Variants in DCST1 observed in about 807,000 individuals in gnomAD.
DCST1 encodes the protein E3 ubiquitin-protein ligase DCST1.
In DCST1, 78 loss-of-function variants were observed where a neutral mutation model predicts 89.1. That is an observed-to-expected ratio of 0.88 (90% CI 0.73 to 1.06). DCST1 has a LOEUF of 1.06. Among genes scored for constraint, DCST1 ranks in the 50% least tolerant of loss-of-function variants. The pLI is 0.00. For missense variants in DCST1, 900 were observed against 928.6 expected, an observed-to-expected ratio of 0.97 and a Z score of 0.40; for synonymous variants, 364 against 371.9, an observed-to-expected ratio of 0.98 and a Z score of 0.24.
chr1:155,041,537 C>G lies in DCST1; in HGVS notation c.672C>G (p.Ala224=), dbSNP rs755480345. The change falls in exon 7 of 17, where the codon GCC becomes GCG. Residue 224 remains alanine, a synonymous_variant. Transcript: ENST00000295542. ...GGGAGACAGCCCAGGGCAGGGAGGCCCGCCAAGCCCCAGCCTCCAGACTCC... is the reference window on the plus strand; with the variant it reads ...GGGAGACAGCCCAGGGCAGGGAGGCGCGCCAAGCCCCAGCCTCCAGACTCC... ...DSGETAQGRE[A]RQAPASRLHL... The G allele has an allele frequency of 2.5e-6, 4 of 1,613,996 alleles. No homozygotes were observed. Among genetic ancestry groups the G allele is most frequent in the Non-Finnish European group, 3.4e-6 (4 of 1,180,022 alleles).
In DCST1 at chr1:155,048,188, T is replaced by C. The variant is rs1660722555; in HGVS notation, c.1869+18T>C. 1.2e-6 allele frequency: 2 copies of C among 1,607,396 alleles called. No individual in the cohort carries two copies. The highest frequency in any genetic ancestry group is 1.7e-4 in the Middle Eastern group (1 of 6,054). On this transcript the variant is annotated intron_variant, in intron 16 of 16. Coordinates refer to ENST00000295542, the MANE Select transcript of DCST1 (RefSeq NM_152494.4). Reference sequence around the variant, plus strand: ...AGGCTCCGGTAAGTCCAGGCGTAAGTGCTGCTGCCAGCTCCTGGCTGGGTC... The same window carrying C: ...AGGCTCCGGTAAGTCCAGGCGTAAGCGCTGCTGCCAGCTCCTGGCTGGGTC...
In DCST1 at chr1:155,046,889, T is replaced by C. The variant is rs113899656; in HGVS notation, c.1496-307T>C. On this transcript the variant is annotated intron_variant, in intron 13 of 16. Transcript: ENST00000295542. ...CCAAAGTGCTGGGATTACAGGTGTG[T>C]GCCACTGTGCCAGCCATCCTTCTGC... 1.9e-3 allele frequency among the ~76,000 whole-genome samples: 284 copies of C among 152,180 alleles called. 3 individuals are homozygous for C. The highest frequency in any genetic ancestry group is 6.6e-3 in the African/African-American group (273 of 41,504).
intron 15 of DCST1, 35 bp from the exon 16 acceptor site, chr1:155,048,022 C>G (rs200709699): frequency 6.2e-6 from 10 of 1,613,432 alleles, no homozygotes; most frequent in Middle Eastern, 1.6e-4. Flanking sequence ...TTGGGGGATG[C>G]CTTTCTCTAT....
Position 155,034,635 on chromosome 1 carries a change from T to C in DCST1, c.188-18T>C, listed in dbSNP as rs1660212893. ...TAGGACCCATCTTTTGGCCTTTGGC[T>C]TGACCTTGTGCCCTTAGGTCTCTTT... On this transcript the variant is annotated intron_variant, in intron 3 of 16. Transcript: ENST00000295542. The C allele has an allele frequency of 6.2e-7, 1 of 1,614,096 alleles. No individual in the cohort carries two copies.
Position 155,047,801 on chromosome 1 carries a change from C to A in DCST1, c.1627C>A (p.Pro543Thr). ...ESNNMPCLPQPVGLDARAYWR... is the reference protein window; with the variant it reads ...ESNNMPCLPQTVGLDARAYWR... ...CCCTCCCCTAGCCTGCCTGCCCCAG[C>A]CTGTGGGCCTGGATGCCAGGGCCTA... The change falls in exon 15 of 17, where the codon CCT (proline) becomes ACT (threonine). Residue 543 changes from proline (P) to threonine (T), a missense_variant. Coordinates refer to ENST00000295542, the MANE Select transcript of DCST1 (RefSeq NM_152494.4). The A allele has an allele frequency of 6.2e-7, 1 of 1,614,090 alleles. No individual in the cohort carries two copies. Among genetic ancestry groups the A allele is most frequent in the Non-Finnish European group, 8.5e-7 (1 of 1,180,030 alleles).
chr1:155,047,630 CTACAG>C (rs1660698213), intron 14 of DCST1, among the ~76,000 whole-genome samples, 152 bp from the exon 15 acceptor site: 1 of 152,230 alleles, frequency 6.6e-6, no homozygotes, highest in Admixed American at 6.5e-5. Flanking sequence ...GGCCCAGCGG[CTACAG>C]TACTGACAGG....
At chr1:155,044,111 C>A (rs948106787) in intron 10 of DCST1, among the ~76,000 whole-genome samples, 1 of 152,214 alleles carries the variant, frequency 6.6e-6, no homozygotes, top group Non-Finnish European at 1.5e-5. Flanking sequence ...CCTAGAGTGA[C>A]TGCAAGTGAG....
chr1:155,044,770 G>T (rs1035072496), intron 10 of DCST1, among the ~76,000 whole-genome samples: 2 of 152,224 alleles, frequency 1.3e-5, no homozygotes, highest in Non-Finnish European at 2.9e-5. Context: ...AGTCTGGAAA[G>T]CCCTGCAGGA....
At position 155,039,494 on chromosome 1, in the gene DCST1, CTT is replaced by C. The variant is rs1305307061; in HGVS notation, c.356_357del (p.Phe119CysfsTer60). ...AGATGCTGGGCAAGGAAGGCAGGCT[CTT>C]TGTCCTGGGATACGCCTTGGCTGCC... Reference protein sequence around the residue: ...PKMLGKEGRLFVLGYALAAIY... With the variant: ...PKMLGKEGRLXVLGYALAAIY... On this transcript the variant is annotated frameshift_variant, in exon 5 of 17. Transcript: ENST00000295542. LOFTEE classifies it high-confidence loss of function. The C allele has an allele frequency of 4.4e-6, 7 of 1,601,976 alleles. 1 individual carries two copies. The highest frequency in any genetic ancestry group is 3.4e-6 in the Non-Finnish European group (4 of 1,174,038).
In DCST1 at chr1:155,040,356, T is replaced by C. The variant is rs1451310648; in HGVS notation, c.392-129T>C. Reference sequence around the variant, plus strand: ...AAATCAAAGGTTGAACAAGTTGACCTTTCATAGGCTCTCGGCCCCACCACT... The same window carrying C: ...AAATCAAAGGTTGAACAAGTTGACCCTTCATAGGCTCTCGGCCCCACCACT... On this transcript the variant is annotated intron_variant, in intron 5 of 16. Transcript: ENST00000295542. The C allele has an allele frequency of 9.6e-6, 9 of 941,092 alleles. 1 individual carries two copies. The East Asian group carries it at 2.6e-4, about 27-fold the overall frequency. The allele number at this position is 941,092 out of a possible 1,614,324, so 58.3% of individuals were successfully genotyped here.
chr1:155,035,878 G>A (rs548161190), intron 4 of DCST1, among the ~76,000 whole-genome samples: 4 of 151,990 alleles, frequency 2.6e-5, no homozygotes, highest in Admixed American at 6.6e-5. Context: ...TGCAGTGAGT[G>A]GAGATCGTGC....
Position 155,045,936 on chromosome 1 carries a change from GACA to G in DCST1, c.1220_1222del (p.Asn407del), listed in dbSNP as rs1450237159. On this transcript the variant is annotated inframe_deletion, in exon 11 of 17. Transcript: ENST00000295542. ...CAGCTATAACCATGACATTCGTTTT[GACA>G]ACATCTACATCAGTACCTACTTCTG... The G allele has an allele frequency of 3.1e-6, 5 of 1,614,060 alleles. No individual in the cohort carries two copies. The East Asian group carries it at 6.7e-5, about 22-fold the overall frequency.
In DCST1 at chr1:155,043,251, G is replaced by A. The variant is rs554487113; in HGVS notation, c.1015-101G>A. 5 of 1,567,460 alleles carry A rather than the reference G, an allele frequency of 3.2e-6. No homozygotes were observed. In the East Asian group the frequency reaches 1.1e-4, roughly 35 times the overall value. On this transcript the variant is annotated intron_variant, in intron 9 of 16. Transcript: ENST00000295542. ...TCCTAGAGGTCCTGGGAGGGCCCCAGGGACACAAGTGGGGTACTGGGGAAC... is the reference window on the plus strand; with the variant it reads ...TCCTAGAGGTCCTGGGAGGGCCCCAAGGACACAAGTGGGGTACTGGGGAAC...
At chr1:155,040,314 A>AG (rs1253214796) in intron 5 of DCST1, among the ~76,000 whole-genome samples, 171 bp from the exon 6 acceptor site, 1 of 151,984 alleles carries the variant, frequency 6.6e-6, no homozygotes, top group East Asian at 1.9e-4. Flanking sequence ...AAAAAAAAAA[A>AG]AAAAAAACAG....
At chr1:155,042,985 C>G in intron 9 of DCST1, 129 bp downstream of exon 9, 1 of 1,318,536 alleles carries the variant, frequency 7.6e-7, no homozygotes. Context: ...GGGAGGGGGA[C>G]AAGGAGGGGG....
In DCST1 at chr1:155,037,681, C is replaced by G. The variant is rs181769909; in HGVS notation, c.263-1722C>G. Reference sequence around the variant, plus strand: ...CAAACTCCTGACCTCAAGTGATCCACCCGCCTTGGCCTCCCAAAGTGCTGG... The same window carrying G: ...CAAACTCCTGACCTCAAGTGATCCAGCCGCCTTGGCCTCCCAAAGTGCTGG... On this transcript the variant is annotated intron_variant, in intron 4 of 16. Transcript: ENST00000295542. 5.6e-3 allele frequency among the ~76,000 whole-genome samples: 851 copies of G among 152,298 alleles called. 2 individuals carry two copies. Among genetic ancestry groups the G allele is most frequent in the Admixed American group, 8.4e-3 (129 of 15,310 alleles).
chr1:155,045,204 A>G (rs575956619), intron 10 of DCST1: 1 of 152,668 alleles, frequency 6.6e-6, no homozygotes, highest in African/African-American at 2.4e-5. Flanking sequence ...CACACTTTAC[A>G]GAGTTTGTTT....
chr1:155,049,814 G>A (rs1056905000), intron 16 of DCST1, among the ~76,000 whole-genome samples: 5 of 152,204 alleles, frequency 3.3e-5, no homozygotes, highest in African/African-American at 1.2e-4. Context: ...AGAACATGCT[G>A]GGATTCCTTG....
chr1:155,040,925 A>G (rs964944772), intron 6 of DCST1, among the ~76,000 whole-genome samples: 1 of 152,148 alleles, frequency 6.6e-6, no homozygotes, highest in Non-Finnish European at 1.5e-5. Context: ...GTAGCTCAGA[A>G]GTTTCGAAGA....
Sources: allele counts gnomAD v4.1 joint callset (sites outside exome capture counted in the v4.1 genomes callset), GRCh38; gene constraint gnomAD v4.1.1; transcripts MANE v1.5; gene names NCBI Gene and HGNC (gene_info 2026-07-23, HGNC 2026-07-21).